LZTS1: variants seen among roughly 807,000 people sequenced by gnomAD.
LZTS1 encodes leucine zipper tumor suppressor 1.
Under a neutral mutation model 45.8 loss-of-function variants are expected in LZTS1, and 31 were observed. The observed-to-expected ratio is 0.68, with a 90% confidence interval of 0.51 to 0.91. The LOEUF (loss-of-function observed/expected upper bound fraction) is 0.91. Ranked by LOEUF, LZTS1 falls within the 40% of genes least tolerant of loss-of-function variation. The pLI, the probability that LZTS1 is intolerant of heterozygous loss-of-function variation, is 0.00. For missense variants in LZTS1, 821 were observed against 788.9 expected, an observed-to-expected ratio of 1.04 and a Z score of -0.49; for synonymous variants, 359 against 357.3, an observed-to-expected ratio of 1.00 and a Z score of -0.05.
intron 1 of LZTS1, among the ~76,000 whole-genome samples, chr8:20,268,706 G>T (rs902585604): frequency 9.2e-5 from 14 of 152,088 alleles, no homozygotes; most frequent in African/African-American, 3.1e-4. Context: ...GAGGAGGAAG[G>T]GGGTGGGGGA....
At chr8:20,272,326 C>T (rs1800489971) in intron 1 of LZTS1, among the ~76,000 whole-genome samples, 2 of 152,104 alleles carry the variant, frequency 1.3e-5, no homozygotes, top group African/African-American at 4.8e-5. Context: ...TGTCCCTTGA[C>T]CACCCTCAAG....
chr8:20,250,044 G>A lies in LZTS1; in HGVS notation c.1469C>T (p.Pro490Leu), dbSNP rs747904541. 17 of 1,609,254 alleles carry A rather than the reference G, an allele frequency of 1.1e-5. No individual in the cohort carries two copies. The highest frequency in any genetic ancestry group is 4.5e-5 in the East Asian group (2 of 44,832). The change falls in exon 4 of 4, where the codon CCG becomes CTG. Residue 490 changes from proline to leucine, a missense_variant. Coordinates refer to ENST00000381569, the MANE Select transcript of LZTS1 (RefSeq NM_021020.5). ...AQAALARDMG[P>L]PTFPEDVPAL... ...AGGGACGTCCTCGGGGAAGGTGGGC[G>A]GCCCCATGTCGCGGGCCAGGGCGGC...
intron 1 of LZTS1, among the ~76,000 whole-genome samples, chr8:20,286,569 C>G (rs542390507): frequency 1.1e-4 from 17 of 152,224 alleles, no homozygotes; most frequent in Non-Finnish European, 1.9e-4. Flanking sequence ...TGCAGACATG[C>G]TCAGCCACAC....
intron 1 of LZTS1, among the ~76,000 whole-genome samples, chr8:20,256,060 CAAAAAAAAAAA>C (rs386412254): frequency 5.3e-5 from 3 of 56,460 alleles, no homozygotes; most frequent in South Asian, 9.2e-4. Flanking sequence ...GGGCCTGACT[CAAAAAAAAAAA>C]AAAAAAAAAA....
At chr8:20,268,360 C>T (rs1157803287) in intron 1 of LZTS1, among the ~76,000 whole-genome samples, 1 of 151,850 alleles carries the variant, frequency 6.6e-6, no homozygotes, top group South Asian at 2.1e-4. Flanking sequence ...GAATGGGGCA[C>T]GTGCCCAGGG....
At chr8:20,274,660 T>A (rs944951127) in intron 1 of LZTS1, among the ~76,000 whole-genome samples, 14 of 152,190 alleles carry the variant, frequency 9.2e-5, no homozygotes, top group African/African-American at 3.1e-4. Flanking sequence ...TCCCTTGGTG[T>A]CGAGCTTTTC....
chr8:20,292,935 T>C (rs1800923411), intron 1 of LZTS1, among the ~76,000 whole-genome samples: 1 of 152,196 alleles, frequency 6.6e-6, no homozygotes, highest in Non-Finnish European at 1.5e-5. Context: ...CTGTGATTTC[T>C]TTCAGGTCCA....
intron 1 of LZTS1, chr8:20,275,831 T>C (rs1299423720): frequency 6.6e-6 from 1 of 152,184 alleles, no homozygotes; most frequent in Non-Finnish European, 1.5e-5. Flanking sequence ...GTTATGAGGA[T>C]TGGATTTCTT....
chr8:20,254,106 A>G (rs1201774221), intron 2 of LZTS1, among the ~76,000 whole-genome samples: 3 of 152,202 alleles, frequency 2.0e-5, no homozygotes, highest in Non-Finnish European at 2.9e-5. Context: ...AAGCCCCTTA[A>G]TTTGAAAAGC....
chr8:20,277,065 A>G (rs923387435), intron 1 of LZTS1, among the ~76,000 whole-genome samples: 2 of 152,246 alleles, frequency 1.3e-5, no homozygotes, highest in African/African-American at 4.8e-5. Flanking sequence ...TGAGACAGGA[A>G]GTAGGCAGAA....
At chr8:20,256,060 C>CAAAAAAAAA (rs386412254) in intron 1 of LZTS1, among the ~76,000 whole-genome samples, 6 of 56,444 alleles carry the variant, frequency 1.1e-4, no homozygotes, top group Admixed American at 2.8e-4. Context: ...GGGCCTGACT[C>CAAAAAAAAA]AAAAAAAAAA....
At position 20,295,505 on chromosome 8, in the gene LZTS1, G is replaced by A. The variant is rs574158713; in HGVS notation, c.-135+8235C>T. On this transcript the variant is annotated intron_variant, in intron 1 of 3. Coordinates refer to ENST00000381569, the MANE Select transcript of LZTS1 (RefSeq NM_021020.5). ...AGAAAGAAGCACTGTGGGCCTTAGC[G>A]CCATCCATCTCTGCCATTTGGGACC... Among the ~76,000 whole-genome samples, 45 of 152,276 alleles carry A rather than the reference G, an allele frequency of 3.0e-4. No homozygotes were observed. The South Asian group carries it at 5.0e-3, about 17-fold the overall frequency.
At chr8:20,292,561 C>G (rs77626788) in intron 1 of LZTS1, among the ~76,000 whole-genome samples, 12,982 of 152,242 alleles carry the variant, frequency 0.085, 563 homozygotes, top group East Asian at 0.11. Flanking sequence ...CTCAAGCACT[C>G]AGAGAAACAA....
chr8:20,269,524 C>T (rs1800432565), intron 1 of LZTS1, among the ~76,000 whole-genome samples: 1 of 152,210 alleles, frequency 6.6e-6, no homozygotes, highest in South Asian at 2.1e-4. Context: ...GATGAACCGA[C>T]ATGAACCAAC....
chr8:20,262,917 G>A (rs940992947), intron 1 of LZTS1, among the ~76,000 whole-genome samples: 2 of 152,150 alleles, frequency 1.3e-5, no homozygotes, highest in Non-Finnish European at 2.9e-5. Context: ...CAGTGTGACC[G>A]TGGACATGCT....
chr8:20,289,687 G>A (rs1278951537), intron 1 of LZTS1: 1 of 152,232 alleles, frequency 6.6e-6, no homozygotes, highest in Non-Finnish European at 1.5e-5. Flanking sequence ...ATTAAGCAGG[G>A]ACCCTATCGC....
chr8:20,249,689 C>T lies in LZTS1; in HGVS notation c.*33G>A. 1.3e-6 allele frequency: 2 copies of T among 1,571,016 alleles called. No individual in the cohort carries two copies. The highest frequency in any genetic ancestry group is 1.7e-6 in the Non-Finnish European group (2 of 1,162,534). On this transcript the variant is annotated 3_prime_UTR_variant, in exon 4 of 4. Coordinates refer to ENST00000381569, the MANE Select transcript of LZTS1 (RefSeq NM_021020.5). ...ACGGGAGAGCCCTGCCTCCCAGTGC[C>T]AGGTCCCCAGACTCGCCTTCCCAGG... is the stretch of plus-strand genomic sequence containing the variant.
chr8:20,270,844 G>T (rs1800459406), intron 1 of LZTS1, among the ~76,000 whole-genome samples: 1 of 147,138 alleles, frequency 6.8e-6, no homozygotes, highest in South Asian at 2.2e-4. Flanking sequence ...TGTGTGTGTG[G>T]AGAGGGAAGG....
chr8:20,250,820 A>G (rs1799875544), intron 3 of LZTS1, among the ~76,000 whole-genome samples: 1 of 151,822 alleles, frequency 6.6e-6, no homozygotes, highest in Non-Finnish European at 1.5e-5. Flanking sequence ...GCTGATCTCG[A>G]ATTCCTGACC....
Sources: gnomAD v4.1 joint callset for allele counts (sites outside exome capture counted in the v4.1 genomes callset) on GRCh38, gnomAD v4.1.1 for gene constraint, MANE v1.5 for transcripts, NCBI Gene and HGNC (gene_info 2026-07-23, HGNC 2026-07-21) for gene names.